Variants in PAN3 observed in about 807,000 individuals in gnomAD.
The protein encoded by PAN3 is poly(A) specific ribonuclease subunit PAN3.
In PAN3, 19 loss-of-function variants were observed where a neutral mutation model predicts 96.2. The ratio of observed to expected loss-of-function variants is 0.20; its 90% CI spans 0.14 to 0.29. PAN3 has a LOEUF of 0.29. Among genes scored for constraint, PAN3 ranks in the 10% least tolerant of loss-of-function variants. PAN3 has a pLI of 1.00. For synonymous variants in PAN3, 433 were observed against 406.6 expected (o/e 1.06, Z -0.78); for missense variants, 882 against 1,108.1 (o/e 0.80, Z 2.90).
chr13:28,266,835 A>G lies in PAN3; in HGVS notation c.1532A>G (p.Asn511Ser). The G allele has an allele frequency of 6.2e-7, 1 of 1,609,210 alleles. No homozygotes were observed. The highest frequency in any genetic ancestry group is 8.5e-7 in the Non-Finnish European group (1 of 1,178,158). Residue 511 changes from asparagine to serine, a missense_variant, in exon 10 of 19, where the codon AAC (asparagine) becomes AGC (serine). Around this residue, in one of 3 missense-constraint regions of PAN3, gnomAD observed 364 missense variants for 513.6 expected, o/e 0.71. Transcript: ENST00000380958. ...ATTACATCTTGCTACAAAGCTGTAAACAGCAAAGATGATCTGCCATATTGC... is the reference window on the plus strand; with the variant it reads ...ATTACATCTTGCTACAAAGCTGTAAGCAGCAAAGATGATCTGCCATATTGC... ...GYITSCYKAVNSKDDLPYCLR... is the reference protein window; with the variant it reads ...GYITSCYKAVSSKDDLPYCLR...
At chr13:28,224,233 G>A (rs1011306594) in intron 6 of PAN3, among the ~76,000 whole-genome samples, 2 of 152,146 alleles carry the variant, frequency 1.3e-5, no homozygotes, top group Non-Finnish European at 2.9e-5. Flanking sequence ...ATTTTCCCGA[G>A]TATTTTTAAT....
rs1339016052 is a variant in PAN3, at chr13:28,177,911, C to T, written c.666C>T (p.Ala222=). ...PASSLFNDFG[A]LNISQRRKPR... Reference sequence around the variant, plus strand: ...CATCCTTGTTTAATGACTTTGGTGCCCTCAACATCTCTCAGAGACGAAAGG... The same window carrying T: ...CATCCTTGTTTAATGACTTTGGTGCTCTCAACATCTCTCAGAGACGAAAGG... The change falls in exon 4 of 19, where the codon GCC becomes GCT. Residue 222 remains alanine, a synonymous_variant. Transcript: ENST00000380958. 2 of 1,612,100 alleles carry T rather than the reference C, an allele frequency of 1.2e-6. No homozygotes were observed. The highest frequency in any genetic ancestry group is 2.2e-5 in the South Asian group (2 of 91,006).
intron 5 of PAN3, among the ~76,000 whole-genome samples, chr13:28,197,801 C>T (rs1566178722): frequency 1.3e-5 from 2 of 152,088 alleles, no homozygotes; most frequent in Non-Finnish European, 2.9e-5. Context: ...GAACTCCTAC[C>T]TCAGGTGATC....
At chr13:28,281,648 A>G (rs77632592) in intron 17 of PAN3, among the ~76,000 whole-genome samples, 2,202 of 152,230 alleles carry the variant, frequency 0.014, 23 homozygotes, top group Non-Finnish European at 0.021. Context: ...TATGACTAAT[A>G]CTACCTCTAC....
chr13:28,290,613 C>T (rs1869639424), intron 18 of PAN3, among the ~76,000 whole-genome samples: 1 of 152,110 alleles, frequency 6.6e-6, no homozygotes, highest in Non-Finnish European at 1.5e-5. Flanking sequence ...CCCCAGGAGG[C>T]AGAGGTTGCA....
intron 5 of PAN3, among the ~76,000 whole-genome samples, chr13:28,199,538 C>G (rs956735717): frequency 2.0e-5 from 3 of 152,024 alleles, no homozygotes; most frequent in African/African-American, 7.3e-5. Flanking sequence ...TTTATAATCT[C>G]TAAAATGTTT....
At chr13:28,232,013 A>G (rs2138441755) in intron 6 of PAN3, among the ~76,000 whole-genome samples, 1 of 152,334 alleles carries the variant, frequency 6.6e-6, no homozygotes, top group South Asian at 2.1e-4. Context: ...TGGTGTTATA[A>G]TTGAAATGTC....
intron 6 of PAN3, among the ~76,000 whole-genome samples, chr13:28,244,162 A>T (rs1280928688): frequency 6.6e-6 from 1 of 152,120 alleles, no homozygotes; most frequent in African/African-American, 2.4e-5. Flanking sequence ...TAAGAACTGT[A>T]GGTTAAGCAG....
chr13:28,223,549 GT>G (rs60440243), intron 6 of PAN3, among the ~76,000 whole-genome samples: 13,654 of 145,218 alleles, frequency 0.094, 737 homozygotes, highest in African/African-American at 0.16. Context: ...AAGAACCACT[GT>G]TTTTTTTTTT....
At chr13:28,186,327 A>G (rs781095331) in intron 4 of PAN3, among the ~76,000 whole-genome samples, 14 of 152,344 alleles carry the variant, frequency 9.2e-5, no homozygotes, top group South Asian at 4.1e-4. Context: ...TAAGAGTACA[A>G]TTGTTGGAAC....
At chr13:28,176,353 C>T in intron 2 of PAN3, 140 bp from the exon 3 acceptor site, 1 of 760,188 alleles carries the variant, frequency 1.3e-6, no homozygotes, top group Non-Finnish European at 2.1e-6. Context: ...CAAGCAGTAA[C>T]ACTTACAGGA....
At chr13:28,192,315 G>A (rs1384790778) in intron 4 of PAN3, among the ~76,000 whole-genome samples, 2 of 149,938 alleles carry the variant, frequency 1.3e-5, no homozygotes, top group African/African-American at 4.9e-5. Context: ...TGATCCGTTC[G>A]CCTCAGCCTC....
rs116229351 is a variant in PAN3, at chr13:28,225,398, T to C, written c.1000+5020T>C. Among the ~76,000 whole-genome samples, 1,047 of 152,342 alleles carry C rather than the reference T, an allele frequency of 6.9e-3. 11 individuals are homozygous for C. The highest frequency in any genetic ancestry group is 0.024 in the African/African-American group (1,012 of 41,576). On this transcript the variant is annotated intron_variant, in intron 6 of 18. Coordinates refer to ENST00000380958, the MANE Select transcript of PAN3 (RefSeq NM_175854.8). Reference sequence around the variant, plus strand: ...CAAAAAACAAAATTCCGTGATTGATTATCTCTATGGCATTTCATATCATAG... The same window carrying C: ...CAAAAAACAAAATTCCGTGATTGATCATCTCTATGGCATTTCATATCATAG...
At chr13:28,291,226 T>C (rs1254230570) in intron 18 of PAN3, among the ~76,000 whole-genome samples, 1 of 152,214 alleles carries the variant, frequency 6.6e-6, no homozygotes, top group Non-Finnish European at 1.5e-5. Flanking sequence ...TTCAGTGAGT[T>C]GTAAACATAT....
Position 28,178,874 on chromosome 13 carries a change from C to G in PAN3, c.690+939C>G, listed in dbSNP as rs1186659286. On this transcript the variant is annotated intron_variant, in intron 4 of 18. Coordinates refer to ENST00000380958, the MANE Select transcript of PAN3 (RefSeq NM_175854.8). Reference sequence around the variant, plus strand: ...GTTGGCTTCACGGTGTATAGTTATCCCCAAACTCGTTGAGTTGTATACATT... The same window carrying G: ...GTTGGCTTCACGGTGTATAGTTATCGCCAAACTCGTTGAGTTGTATACATT... 3.3e-5 allele frequency among the ~76,000 whole-genome samples: 5 copies of G among 151,894 alleles called. No individual in the cohort carries two copies. The East Asian group carries it at 9.7e-4, about 29-fold the overall frequency.
At chr13:28,181,471 T>C (rs1289234732) in intron 4 of PAN3, among the ~76,000 whole-genome samples, 2 of 125,288 alleles carry the variant, frequency 1.6e-5, no homozygotes, top group Admixed American at 1.0e-4. Flanking sequence ...GTGATCACTC[T>C]AATGCACTGT....
At chr13:28,207,640 A>G (rs981418008) in intron 5 of PAN3, among the ~76,000 whole-genome samples, 7 of 152,196 alleles carry the variant, frequency 4.6e-5, no homozygotes, top group African/African-American at 1.4e-4. Flanking sequence ...TTAAGATTGA[A>G]TTCATACATA....
intron 1 of PAN3, among the ~76,000 whole-genome samples, chr13:28,152,154 A>C (rs761865973): frequency 1.2e-4 from 19 of 152,218 alleles, no homozygotes; most frequent in Admixed American, 4.6e-4. Flanking sequence ...CTATCCCATC[A>C]CATTTAATAA....
intron 1 of PAN3, among the ~76,000 whole-genome samples, chr13:28,145,660 G>A (rs933631602): frequency 6.6e-6 from 1 of 151,478 alleles, no homozygotes; most frequent in Non-Finnish European, 1.5e-5. Context: ...TTTTTTTAAG[G>A]AGACGAGCTG....
Sources: allele counts gnomAD v4.1 joint callset (sites outside exome capture counted in the v4.1 genomes callset), GRCh38; gene constraint gnomAD v4.1.1; regional missense constraint gnomAD v4.1.1; transcripts MANE v1.5; gene names NCBI Gene and HGNC (gene_info 2026-07-23, HGNC 2026-07-21).